TIMP3: variants seen among roughly 807,000 people sequenced by gnomAD.
The protein encoded by TIMP3 is TIMP metallopeptidase inhibitor 3.
A neutral mutation model predicts 30.0 loss-of-function variants in TIMP3; 11 were observed. The observed-to-expected ratio is 0.37, with a 90% CI of 0.23 to 0.61. The LOEUF is 0.61. TIMP3 is among the 20% of genes least tolerant of loss of function. TIMP3 has a pLI of 0.70. For synonymous variants in TIMP3, 112 were observed against 111.3 expected (o/e 1.01, Z -0.04); for missense variants, 181 against 276.8 (o/e 0.65, Z 2.45).
At chr22:32,843,667 C>G (rs1261434617) in intron 1 of TIMP3, among the ~76,000 whole-genome samples, 1 of 152,130 alleles carries the variant, frequency 6.6e-6, no homozygotes, top group Admixed American at 6.5e-5. Context: ...CTTCCAGATC[C>G]CTCTTTTCCT....
chr22:32,830,915 TG>T (rs1201359186), intron 1 of TIMP3, among the ~76,000 whole-genome samples: 2 of 152,118 alleles, frequency 1.3e-5, no homozygotes, highest in Non-Finnish European at 2.9e-5. Flanking sequence ...TCAGCCTGGA[TG>T]GGGTTTTGTT....
chr22:32,843,228 C>T (rs1196083610), intron 1 of TIMP3, among the ~76,000 whole-genome samples: 2 of 152,202 alleles, frequency 1.3e-5, no homozygotes, highest in Admixed American at 1.3e-4. Context: ...AACATGCACA[C>T]GTTGCTTGGC....
In TIMP3 at chr22:32,852,616, C is replaced by T. The variant is rs139908313; in HGVS notation, c.204+3082C>T. ...ACTTGGAGAACCTGAGACTCCGAGC[C>T]GCCCTGTCTGACCTCTCTCTTCTCT... On this transcript the variant is annotated intron_variant, in intron 2 of 4. Coordinates refer to ENST00000266085, the MANE Select transcript of TIMP3 (RefSeq NM_000362.5). 2.7e-3 allele frequency among the ~76,000 whole-genome samples: 413 copies of T among 152,192 alleles called. 1 individual carries two copies. The highest frequency in any genetic ancestry group is 4.3e-3 in the Non-Finnish European group (289 of 67,998).
intron 1 of TIMP3, among the ~76,000 whole-genome samples, chr22:32,847,792 A>C (rs2048110499): frequency 6.6e-6 from 1 of 152,212 alleles, no homozygotes; most frequent in African/African-American, 2.4e-5. Flanking sequence ...TGAGATAAGA[A>C]AGATTGATAG....
intron 1 of TIMP3, among the ~76,000 whole-genome samples, chr22:32,825,173 G>C (rs909346351): frequency 2.0e-5 from 3 of 152,256 alleles, no homozygotes. Flanking sequence ...GGGTGAGCTC[G>C]TGGGAACTGA....
Position 32,849,489 on chromosome 22 carries a change from G to A in TIMP3, c.159G>A (p.Lys53=). The change falls in exon 2 of 5, where the codon AAG becomes AAA. Residue 53 remains lysine, a synonymous_variant. Transcript: ENST00000266085. ...RAKVVGKKLV[K]EGPFGTLVYT... ...AGGTGGTGGGGAAGAAGCTGGTAAAGGAGGGGCCCTTCGGCACGCTGGTCT... is the reference window on the plus strand; with the variant it reads ...AGGTGGTGGGGAAGAAGCTGGTAAAAGAGGGGCCCTTCGGCACGCTGGTCT... 2 of 1,613,898 alleles carry A rather than the reference G, an allele frequency of 1.2e-6. No homozygotes were observed. Among genetic ancestry groups the A allele is most frequent in the Non-Finnish European group, 1.7e-6 (2 of 1,179,924 alleles).
intron 1 of TIMP3, among the ~76,000 whole-genome samples, chr22:32,823,013 C>G (rs533577830): frequency 6.6e-6 from 1 of 152,204 alleles, no homozygotes; most frequent in East Asian, 1.9e-4. Flanking sequence ...AATATCAACA[C>G]TAGTTACTCT....
rs1046118174 is a variant in TIMP3, at chr22:32,861,725, T to C, written c.*2348T>C. Reference sequence around the variant, plus strand: ...GAGGCCCTGGGCAAAGAAGGGTCTTTCGCAAAGCGATGTCAGAGGGCGGTT... The same window carrying C: ...GAGGCCCTGGGCAAAGAAGGGTCTTCCGCAAAGCGATGTCAGAGGGCGGTT... On this transcript the variant is annotated 3_prime_UTR_variant, in exon 5 of 5. Coordinates refer to ENST00000266085, the MANE Select transcript of TIMP3 (RefSeq NM_000362.5). The C allele has an allele frequency of 2.0e-5, 3 of 152,398 alleles. No homozygotes were observed. Among genetic ancestry groups the C allele is most frequent in the Non-Finnish European group, 2.9e-5 (2 of 67,994 alleles). 9.4% of individuals were successfully genotyped at this position (152,398 alleles called of 1,614,324 possible).
At chr22:32,853,731 C>T (rs934880920) in intron 2 of TIMP3, among the ~76,000 whole-genome samples, 5 of 152,194 alleles carry the variant, frequency 3.3e-5, no homozygotes, top group Admixed American at 6.5e-5. Context: ...CCTCTCCTTA[C>T]GAATTTCAGT....
intron 1 of TIMP3, among the ~76,000 whole-genome samples, chr22:32,807,333 T>TATATATA (rs1375395004): frequency 4.3e-4 from 19 of 44,034 alleles, no homozygotes; most frequent in African/African-American, 1.9e-3. Context: ...ATATATAATT[T>TATATATA]ATATATAATA....
In TIMP3 at chr22:32,838,256, GA is replaced by G. The variant is rs1453603840; in HGVS notation, c.122-11195del. Among the ~76,000 whole-genome samples the G allele has an allele frequency of 2.6e-5, 4 of 152,116 alleles. No individual in the cohort carries two copies. The East Asian group carries it at 7.7e-4, about 29-fold the overall frequency. On this transcript the variant is annotated intron_variant, in intron 1 of 4. Transcript: ENST00000266085. Reference sequence around the variant, plus strand: ...AATTTCAAGTGGACTTGAGGAGAAGGAGGGGGGGTGGCAAAATAAAACAAAC... The same window carrying G: ...AATTTCAAGTGGACTTGAGGAGAAGGGGGGGGGTGGCAAAATAAAACAAAC...
At chr22:32,841,490 A>G (rs924743947) in intron 1 of TIMP3, among the ~76,000 whole-genome samples, 5 of 152,132 alleles carry the variant, frequency 3.3e-5, no homozygotes, top group African/African-American at 7.2e-5. Context: ...GTGAGCTACA[A>G]TTTCCTGAGA....
intron 1 of TIMP3, among the ~76,000 whole-genome samples, chr22:32,831,168 G>A (rs2047563908): frequency 6.6e-6 from 1 of 152,130 alleles, no homozygotes; most frequent in African/African-American, 2.4e-5. Context: ...ATGTCCTTCA[G>A]GAGGGTGTGG....
intron 1 of TIMP3, among the ~76,000 whole-genome samples, chr22:32,831,715 C>T (rs1385217917): frequency 6.6e-6 from 1 of 152,124 alleles, no homozygotes; most frequent in Non-Finnish European, 1.5e-5. Context: ...TCCACCTGCC[C>T]CTCCCTTCCT....
chr22:32,824,910 A>C (rs2047357128), intron 1 of TIMP3, among the ~76,000 whole-genome samples: 1 of 152,182 alleles, frequency 6.6e-6, no homozygotes, highest in East Asian at 1.9e-4. Flanking sequence ...AGCACACAGA[A>C]GGCAGAAAGG....
At chr22:32,805,693 G>A (rs2046714799) in intron 1 of TIMP3, among the ~76,000 whole-genome samples, 1 of 145,148 alleles carries the variant, frequency 6.9e-6, no homozygotes, top group African/African-American at 2.6e-5. Context: ...AAACACTGAG[G>A]CTGAAGAGAC....
chr22:32,804,305 C>T (rs1397644530), intron 1 of TIMP3, among the ~76,000 whole-genome samples: 10 of 152,276 alleles, frequency 6.6e-5, no homozygotes, highest in Admixed American at 2.6e-4. Flanking sequence ...CCTCGCCTTG[C>T]ACAGCACCCT....
chr22:32,803,643 A>C (rs1346104954), intron 1 of TIMP3, among the ~76,000 whole-genome samples: 4 of 152,016 alleles, frequency 2.6e-5, no homozygotes. Context: ...CCCACATTCC[A>C]CTTACCCTTT....
chr22:32,807,758 C>A (rs939813789), intron 1 of TIMP3, among the ~76,000 whole-genome samples: 1 of 151,404 alleles, frequency 6.6e-6, no homozygotes, highest in Non-Finnish European at 1.5e-5. Context: ...ATTATATATA[C>A]TACTACATAC....
Sources: gnomAD v4.1 joint callset for allele counts (sites outside exome capture counted in the v4.1 genomes callset) on GRCh38, gnomAD v4.1.1 for gene constraint, MANE v1.5 for transcripts, NCBI Gene and HGNC (gene_info 2026-07-23, HGNC 2026-07-21) for gene names.